Variants in NEGR1 observed in about 807,000 individuals in gnomAD.
NEGR1 encodes neuronal growth regulator 1, also known as IgLON family member 4.
NEGR1 carries 10 observed loss-of-function variants against 40.9 expected under a neutral mutation model. The observed-to-expected ratio is 0.24, with a 90% CI of 0.15 to 0.42. The LOEUF is 0.42. Ranked by LOEUF, NEGR1 falls within the 10% of genes least tolerant of loss-of-function variation. NEGR1 has a pLI of 1.00. For synonymous variants in NEGR1, 185 were observed against 166.8 expected (o/e 1.11, Z -0.84); for missense variants, 352 against 438.9 (o/e 0.80, Z 1.77).
intron 6 of NEGR1, among the ~76,000 whole-genome samples, chr1:71,436,906 G>A (rs1045974796): frequency 6.6e-5 from 10 of 152,164 alleles, no homozygotes; most frequent in Non-Finnish European, 5.9e-5. Flanking sequence ...TATGTCATCA[G>A]TAAGGCTTCT....
At chr1:71,632,347 C>T (rs989806929) in intron 4 of NEGR1, among the ~76,000 whole-genome samples, 4 of 151,220 alleles carry the variant, frequency 2.6e-5, no homozygotes, top group African/African-American at 9.7e-5. Flanking sequence ...CAGCTGACAA[C>T]TTTGGATATC....
At chr1:71,547,778 A>G (rs1442122903) in intron 6 of NEGR1, among the ~76,000 whole-genome samples, 3 of 151,720 alleles carry the variant, frequency 2.0e-5, no homozygotes, top group South Asian at 2.1e-4. Flanking sequence ...ATGGCTCCCA[A>G]TGATCCTGGT....
At chr1:71,643,253 C>T (rs919194140) in intron 4 of NEGR1, among the ~76,000 whole-genome samples, 1 of 151,966 alleles carries the variant, frequency 6.6e-6, no homozygotes, top group South Asian at 2.1e-4. Context: ...ATCTACAGAA[C>T]ACAGTTACCA....
At chr1:72,274,291 C>T (rs1204798375) in intron 1 of NEGR1, among the ~76,000 whole-genome samples, 1 of 151,952 alleles carries the variant, frequency 6.6e-6, no homozygotes, top group Non-Finnish European at 1.5e-5. Context: ...CCACATAAAC[C>T]AAACTTGTGG....
chr1:71,827,010 A>C (rs1280899433), intron 2 of NEGR1, among the ~76,000 whole-genome samples: 1 of 151,838 alleles, frequency 6.6e-6, no homozygotes, highest in Non-Finnish European at 1.5e-5. Flanking sequence ...GGCCTTTAGC[A>C]AGCGATTGCT....
intron 1 of NEGR1, among the ~76,000 whole-genome samples, chr1:72,096,463 G>C (rs928104801): frequency 2.6e-5 from 4 of 151,702 alleles, no homozygotes; most frequent in African/African-American, 4.8e-5. Context: ...CTAAATGAAG[G>C]CAAAACAAAT....
At chr1:71,885,729 T>A (rs758309958) in intron 2 of NEGR1, among the ~76,000 whole-genome samples, 15 of 152,174 alleles carry the variant, frequency 9.9e-5, no homozygotes, top group Non-Finnish European at 1.9e-4. Flanking sequence ...AGAGAATAAA[T>A]TTTCCTTGAT....
chr1:72,275,132 G>T, intron 1 of NEGR1: 1 of 757,958 alleles, frequency 1.3e-6, no homozygotes, highest in Non-Finnish European at 2.4e-6. Flanking sequence ...TTTATTTCCC[G>T]CACGTACGAT....
At chr1:71,586,794 C>T (rs1397336420) in intron 6 of NEGR1, among the ~76,000 whole-genome samples, 1 of 152,080 alleles carries the variant, frequency 6.6e-6, no homozygotes, top group Non-Finnish European at 1.5e-5. Context: ...AATTTGTATA[C>T]TTTCATGACT....
chr1:71,894,909 A>C (rs942343269), intron 2 of NEGR1, among the ~76,000 whole-genome samples: 1 of 151,620 alleles, frequency 6.6e-6, no homozygotes, highest in Non-Finnish European at 1.5e-5. Flanking sequence ...ACACAGTGAG[A>C]CTCCATCTCC....
At chr1:72,069,896 T>C (rs1647391154) in intron 1 of NEGR1, among the ~76,000 whole-genome samples, 2 of 152,136 alleles carry the variant, frequency 1.3e-5, no homozygotes, top group Non-Finnish European at 2.9e-5. Context: ...ATTCTCTTTC[T>C]TCATGGACAT....
chr1:71,567,836 T>TG (rs561130864), intron 6 of NEGR1, among the ~76,000 whole-genome samples: 205 of 19,774 alleles, frequency 0.01, no homozygotes, highest in African/African-American at 0.029. Flanking sequence ...TGAGATTTTG[T>TG]TTTTTTTTTT....
chr1:71,538,274 C>T (rs779086388), intron 6 of NEGR1, among the ~76,000 whole-genome samples: 20 of 151,488 alleles, frequency 1.3e-4, no homozygotes, highest in Non-Finnish European at 2.5e-4. Context: ...TCTGCACACA[C>T]GATATATTAT....
intron 1 of NEGR1, among the ~76,000 whole-genome samples, chr1:72,281,283 TG>T (rs1288109225): frequency 6.6e-6 from 1 of 152,074 alleles, no homozygotes; most frequent in African/African-American, 2.4e-5. Flanking sequence ...AGACAGGCAG[TG>T]TGTACACATG....
chr1:71,749,079 T>C lies in NEGR1; in HGVS notation c.535+27093A>G, dbSNP rs555376828. 5.9e-5 allele frequency among the ~76,000 whole-genome samples: 9 copies of C among 152,270 alleles called. No homozygotes were observed. The East Asian group carries it at 1.5e-3, about 26-fold the overall frequency. ...TTTCAATATTCTTTGATGCTTTCTA[T>C]CAAAACACACTTACATCAACAAAAC... On this transcript the variant is annotated intron_variant, in intron 3 of 6. Transcript: ENST00000357731.
At chr1:71,632,731 G>C (rs1272873224) in intron 4 of NEGR1, among the ~76,000 whole-genome samples, 3 of 151,796 alleles carry the variant, frequency 2.0e-5, no homozygotes, top group South Asian at 4.1e-4. Flanking sequence ...AGGATTTACT[G>C]TACATCTGTT....
chr1:71,789,858 T>C (rs1407638493), intron 2 of NEGR1, among the ~76,000 whole-genome samples: 1 of 152,024 alleles, frequency 6.6e-6, no homozygotes, highest in Admixed American at 6.6e-5. Flanking sequence ...AGGTGGAAAA[T>C]CCAAATATGC....
intron 2 of NEGR1, among the ~76,000 whole-genome samples, chr1:71,918,204 G>A (rs1661653656): frequency 2.4e-5 from 2 of 84,658 alleles, no homozygotes; most frequent in Admixed American, 2.0e-4. Context: ...GCGACAGAAC[G>A]AGACTCTGTC....
chr1:71,877,138 A>AAAAAC (rs1206101650), intron 2 of NEGR1, among the ~76,000 whole-genome samples: 25 of 151,188 alleles, frequency 1.7e-4, no homozygotes, highest in Admixed American at 5.9e-4. Context: ...GTAGCACGAC[A>AAAAAC]AAAACAAAAC....
Sources: gnomAD v4.1 joint callset for allele counts (sites outside exome capture counted in the v4.1 genomes callset) on GRCh38, gnomAD v4.1.1 for gene constraint, MANE v1.5 for transcripts, NCBI Gene and HGNC (gene_info 2026-07-23, HGNC 2026-07-21) for gene names.